BMERB1: variants seen among roughly 807,000 people sequenced by gnomAD.
BMERB1 encodes bMERB domain-containing protein 1.
BMERB1 carries 12 observed loss-of-function variants against 23.6 expected under a neutral mutation model. That is an observed-to-expected ratio of 0.51 (90% CI 0.33 to 0.82). The LOEUF is 0.82. Among genes scored for constraint, BMERB1 ranks in the 40% least tolerant of loss-of-function variants. The probability of loss-of-function intolerance (pLI) is 0.03; values close to 1 mark genes in which losing one functional copy is unlikely to be tolerated. For missense variants in BMERB1, 247 were observed against 255.4 expected (o/e 0.97, Z 0.22); for synonymous variants, 122 against 96.6 (o/e 1.26, Z -1.54).
At chr16:15,546,173 A>T (rs759629945) in intron 2 of BMERB1, among the ~76,000 whole-genome samples, 1 of 152,156 alleles carries the variant, frequency 6.6e-6, no homozygotes, top group African/African-American at 2.4e-5. Context: ...CTGTATTTCC[A>T]GCCACTCAGG....
intron 1 of BMERB1, among the ~76,000 whole-genome samples, chr16:15,504,376 T>C (rs2051561660): frequency 6.6e-6 from 1 of 152,202 alleles, no homozygotes; most frequent in African/African-American, 2.4e-5. Context: ...TTCTTGGTAA[T>C]GTTAACAATA....
At chr16:15,567,917 G>T in intron 2 of BMERB1, 66 bp from the exon 3 acceptor site, 1 of 1,420,976 alleles carries the variant, frequency 7.0e-7, no homozygotes, top group Non-Finnish European at 9.8e-7. Flanking sequence ...TGTGTTAACC[G>T]GGTGATGCTC....
At chr16:15,515,175 C>G in intron 1 of BMERB1, 130 bp from the exon 2 acceptor site, 1 of 1,271,166 alleles carries the variant, frequency 7.9e-7, no homozygotes, top group Non-Finnish European at 1.1e-6. Flanking sequence ...ACATTTGTGG[C>G]ACAGGCTGAA....
intron 2 of BMERB1, among the ~76,000 whole-genome samples, chr16:15,564,132 G>A (rs2030502492): frequency 6.6e-6 from 1 of 152,174 alleles, no homozygotes; most frequent in Admixed American, 6.5e-5. Flanking sequence ...CCATCTTCCA[G>A]CCAGCAGAAT....
chr16:15,586,906 C>A lies in BMERB1; in HGVS notation c.*77C>A. On this transcript the variant is annotated 3_prime_UTR_variant, in exon 6 of 6. Coordinates refer to ENST00000300006, the MANE Select transcript of BMERB1 (RefSeq NM_033201.3). ...TTTATAGCCCCCATTTCACCGGGGC[C>A]CAAGAGCTCTCCAAGGCAGAAGGGG... is the stretch of plus-strand genomic sequence containing the variant. 1 of 983,356 alleles carries A rather than the reference C, an allele frequency of 1.0e-6. No homozygotes were observed. The highest frequency in any genetic ancestry group is 1.5e-6 in the Non-Finnish European group (1 of 662,914). The allele number at this position is 983,356 out of a possible 1,614,324, so 60.9% of individuals were successfully genotyped here.
intron 2 of BMERB1, among the ~76,000 whole-genome samples, chr16:15,553,288 A>T (rs954470446): frequency 6.6e-6 from 1 of 152,198 alleles, no homozygotes; most frequent in African/African-American, 2.4e-5. Context: ...GACTACAGGC[A>T]TGAGCCACCG....
intron 1 of BMERB1, among the ~76,000 whole-genome samples, chr16:15,473,430 A>G (rs1014320260): frequency 6.6e-6 from 1 of 151,284 alleles, no homozygotes; most frequent in African/African-American, 2.4e-5. Context: ...AGCTGGGATT[A>G]TATAGGCTCC....
At chr16:15,436,849 C>T (rs2050893059) in intron 1 of BMERB1, among the ~76,000 whole-genome samples, 1 of 151,820 alleles carries the variant, frequency 6.6e-6, no homozygotes, top group African/African-American at 2.4e-5. Flanking sequence ...CATTTAGTCC[C>T]CTCAACAACC....
chr16:15,551,453 T>C (rs929420774), intron 2 of BMERB1, among the ~76,000 whole-genome samples: 1 of 152,294 alleles, frequency 6.6e-6, no homozygotes, highest in African/African-American at 2.4e-5. Flanking sequence ...ACAAGGGGGC[T>C]ATGGCTGCAG....
At chr16:15,512,904 AAG>A (rs1048884475) in intron 1 of BMERB1, among the ~76,000 whole-genome samples, 1 of 151,922 alleles carries the variant, frequency 6.6e-6, no homozygotes, top group Non-Finnish European at 1.5e-5. Flanking sequence ...AAAAAGGAAA[AAG>A]AGAACAACTT....
chr16:15,550,893 A>C (rs759181498), intron 2 of BMERB1, among the ~76,000 whole-genome samples: 2 of 152,208 alleles, frequency 1.3e-5, no homozygotes, highest in African/African-American at 4.8e-5. Context: ...TGAGGATTCA[A>C]TGAGATTGGG....
rs980497865 is a variant in BMERB1 at position 15,584,439 on chromosome 16, T to A, written c.502+1201T>A. ...CGGGCTTGGTGGTGGGCGCCTGTAT[T>A]CCCAGCTACTCGGGAAGCTGAGGCA... On this transcript the variant is annotated intron_variant, in intron 5 of 5. Transcript: ENST00000300006. Among the ~76,000 whole-genome samples, 12 of 151,602 alleles carry A rather than the reference T, an allele frequency of 7.9e-5. No individual in the cohort carries two copies. In the East Asian group the frequency reaches 2.3e-3, roughly 30 times the overall value.
chr16:15,450,589 G>T (rs2051033663), intron 1 of BMERB1, among the ~76,000 whole-genome samples: 1 of 152,152 alleles, frequency 6.6e-6, no homozygotes, highest in African/African-American at 2.4e-5. Context: ...TCCTGCCTCA[G>T]CCTCCCGAGT....
chr16:15,566,119 C>A (rs764195257), intron 2 of BMERB1, among the ~76,000 whole-genome samples: 15 of 152,150 alleles, frequency 9.9e-5, no homozygotes, highest in Non-Finnish European at 1.3e-4. Context: ...TTAGCACAAT[C>A]CCGATGAATC....
chr16:15,477,447 T>C (rs1312197169), intron 1 of BMERB1, among the ~76,000 whole-genome samples: 1 of 151,992 alleles, frequency 6.6e-6, no homozygotes, highest in Non-Finnish European at 1.5e-5. Flanking sequence ...ATCAGCAACA[T>C]AGTGAGACCT....
chr16:15,578,488 T>TA (rs576629308), intron 3 of BMERB1, among the ~76,000 whole-genome samples: 5 of 152,250 alleles, frequency 3.3e-5, no homozygotes, highest in African/African-American at 1.2e-4. Context: ...ACTTTGGAAA[T>TA]AGAGTATTTC....
intron 1 of BMERB1, among the ~76,000 whole-genome samples, chr16:15,507,812 C>T (rs897884626): frequency 1.3e-5 from 2 of 152,150 alleles, no homozygotes; most frequent in South Asian, 2.1e-4. Flanking sequence ...ATCTGAAGAC[C>T]TCCTTCATTA....
chr16:15,529,969 G>A (rs1265623517), intron 2 of BMERB1, among the ~76,000 whole-genome samples: 1 of 152,186 alleles, frequency 6.6e-6, no homozygotes, highest in Non-Finnish European at 1.5e-5. Context: ...CTGAAATCAG[G>A]TGTTGGCAGA....
At chr16:15,514,494 C>A (rs1005185162) in intron 1 of BMERB1, among the ~76,000 whole-genome samples, 2 of 152,084 alleles carry the variant, frequency 1.3e-5, no homozygotes, top group East Asian at 1.9e-4. Context: ...CACTAGCCAT[C>A]ATAACAAAGT....
Sources: allele counts gnomAD v4.1 joint callset (sites outside exome capture counted in the v4.1 genomes callset), GRCh38; gene constraint gnomAD v4.1.1; transcripts MANE v1.5; gene names NCBI Gene and HGNC (gene_info 2026-07-23, HGNC 2026-07-21).